TENM2: variants seen among roughly 807,000 people sequenced by gnomAD.
TENM2 encodes the protein teneurin-2.
In TENM2, 52 loss-of-function variants were observed where a neutral mutation model predicts 245.2. The observed-to-expected ratio is 0.21, with a 90% CI of 0.17 to 0.27. TENM2 has a LOEUF of 0.27. TENM2 is among the 10% of genes least tolerant of loss of function. The pLI is 1.00. For synonymous variants in TENM2, 1,363 were observed against 1,438.9 expected (o/e 0.95, Z 1.19); for missense variants, 3,046 against 3,666.8 (o/e 0.83, Z 4.37).
chr5:168,115,434 AAAAG>A (rs1283748962), intron 9 of TENM2, among the ~76,000 whole-genome samples: 1 of 143,762 alleles, frequency 7.0e-6, no homozygotes, highest in African/African-American at 2.9e-5. Context: ...GAAAGAAAAA[AAAAG>A]AAAAAAATTT....
intron 2 of TENM2, among the ~76,000 whole-genome samples, chr5:167,747,754 T>C (rs1005047988): frequency 6.6e-6 from 1 of 152,222 alleles, no homozygotes; most frequent in Non-Finnish European, 1.5e-5. Context: ...TGACTATTTT[T>C]CCAATTATTT....
At chr5:167,363,730 C>CAAAAAAAAAAAAAAAAAAAAA (rs10659741) in intron 1 of TENM2, among the ~76,000 whole-genome samples, 2 of 89,328 alleles carry the variant, frequency 2.2e-5, no homozygotes, top group Non-Finnish European at 2.1e-5. Flanking sequence ...GACTCCATCT[C>CAAAAAAAAAAAAAAAAAAAAA]AAAAAAAAAA....
At chr5:168,180,447 C>T (rs770047738) in intron 13 of TENM2, among the ~76,000 whole-genome samples, 10 of 152,196 alleles carry the variant, frequency 6.6e-5, no homozygotes, top group Non-Finnish European at 1.2e-4. Flanking sequence ...TCAGGGAATG[C>T]GTATTAACAT....
intron 2 of TENM2, among the ~76,000 whole-genome samples, chr5:167,610,936 T>G (rs1051055849): frequency 6.6e-6 from 1 of 152,146 alleles, no homozygotes; most frequent in African/African-American, 2.4e-5. Flanking sequence ...TTCGTCAAAT[T>G]TTATTACATA....
chr5:167,269,585 G>A, the TENM2 span, among the ~76,000 whole-genome samples: 1 of 151,876 alleles, frequency 6.6e-6, no homozygotes, highest in African/African-American at 2.4e-5. Context: ...TGATGAAAGT[G>A]CATTGTACTG....
the TENM2 span, among the ~76,000 whole-genome samples, chr5:167,072,868 A>G: frequency 1.3e-5 from 2 of 152,196 alleles, no homozygotes; most frequent in Non-Finnish European, 2.9e-5. Flanking sequence ...GAGCAAACAT[A>G]AGGTCTGTAT....
chr5:167,562,291 T>A (rs1268833534), intron 2 of TENM2, among the ~76,000 whole-genome samples: 1 of 151,872 alleles, frequency 6.6e-6, no homozygotes, highest in Non-Finnish European at 1.5e-5. Flanking sequence ...CACAAGAGAA[T>A]CTAGTTGGGC....
chr5:167,503,079 G>A (rs1356640166), intron 2 of TENM2, among the ~76,000 whole-genome samples: 2 of 151,864 alleles, frequency 1.3e-5, no homozygotes, highest in Admixed American at 6.6e-5. Context: ...CACCCGACTC[G>A]GCCTCCTAAA....
chr5:168,230,225 T>G (rs1764727011), intron 25 of TENM2, among the ~76,000 whole-genome samples: 1 of 152,226 alleles, frequency 6.6e-6, no homozygotes, highest in Non-Finnish European at 1.5e-5. Context: ...CACCTCAACA[T>G]TTAATTGTCT....
chr5:168,078,466 G>A (rs1167281208), intron 7 of TENM2, among the ~76,000 whole-genome samples: 1 of 152,098 alleles, frequency 6.6e-6, no homozygotes, highest in Non-Finnish European at 1.5e-5. Context: ...GGCTTTTGTT[G>A]CCATTGTTTT....
At chr5:167,857,349 C>T (rs1184710093) in intron 2 of TENM2, among the ~76,000 whole-genome samples, 3 of 152,166 alleles carry the variant, frequency 2.0e-5, no homozygotes, top group Non-Finnish European at 1.5e-5. Context: ...CTACAACGTC[C>T]TTTACCTCTC....
intron 1 of TENM2, among the ~76,000 whole-genome samples, chr5:167,348,325 C>G (rs1758602795): frequency 6.6e-6 from 1 of 152,134 alleles, no homozygotes; most frequent in South Asian, 2.1e-4. Flanking sequence ...TAATCATTCA[C>G]TTAAGCATTA....
the TENM2 span, among the ~76,000 whole-genome samples, chr5:167,196,324 C>T: frequency 3.0e-4 from 45 of 151,652 alleles, no homozygotes; most frequent in African/African-American, 7.8e-4. Context: ...TCTCATTGAC[C>T]GAAATGTCAT....
At chr5:168,160,828 C>G (rs1757681455) in intron 12 of TENM2, among the ~76,000 whole-genome samples, 1 of 152,038 alleles carries the variant, frequency 6.6e-6, no homozygotes, top group Non-Finnish European at 1.5e-5. Context: ...GAGTTCAAGA[C>G]TAACCTGGGC....
At chr5:167,857,825 G>A (rs1180948571) in intron 2 of TENM2, among the ~76,000 whole-genome samples, 3 of 152,018 alleles carry the variant, frequency 2.0e-5, no homozygotes, top group Non-Finnish European at 4.4e-5. Context: ...TTTGAATTTT[G>A]GGTTTTCTGC....
At chr5:168,026,162 C>A (rs535245195) in intron 5 of TENM2, among the ~76,000 whole-genome samples, 99 of 152,304 alleles carry the variant, frequency 6.5e-4, no homozygotes, top group African/African-American at 2.3e-3. Flanking sequence ...AACAGCAGCT[C>A]CAGCCACAAG....
At chr5:168,036,635 A>C (rs1787692400) in intron 5 of TENM2, among the ~76,000 whole-genome samples, 1 of 92,520 alleles carries the variant, frequency 1.1e-5, no homozygotes, top group African/African-American at 5.6e-5. Flanking sequence ...AAACTCCATC[A>C]AAAAAAAAAT....
At chr5:167,918,661 G>T (rs1777127291) in intron 3 of TENM2, among the ~76,000 whole-genome samples, 1 of 152,166 alleles carries the variant, frequency 6.6e-6, no homozygotes, top group Non-Finnish European at 1.5e-5. Context: ...TGGTGACCTT[G>T]CAGGCTGACC....
the TENM2 span, among the ~76,000 whole-genome samples, chr5:167,016,196 G>T: frequency 8.7e-5 from 13 of 149,302 alleles, no homozygotes; most frequent in Admixed American, 3.4e-4. Context: ...AGAGCTTGCA[G>T]TGAGCCGAGA....
Sources: allele counts gnomAD v4.1 joint callset (sites outside exome capture counted in the v4.1 genomes callset), GRCh38; gene constraint gnomAD v4.1.1; transcripts MANE v1.5; gene names NCBI Gene and HGNC (gene_info 2026-07-23, HGNC 2026-07-21).